The following PTK2 variants were observed in gnomAD, a reference collection of about 807,000 sequenced individuals.
PTK2 encodes the protein focal adhesion kinase 1.
PTK2 carries 45 observed loss-of-function variants against 150.1 expected under a neutral mutation model. That is an observed-to-expected ratio of 0.30 (90% CI 0.24 to 0.38). The LOEUF (loss-of-function observed/expected upper bound fraction) is 0.38. Ranked by LOEUF, PTK2 falls within the 10% of genes least tolerant of loss-of-function variation. The pLI is 1.00. For missense variants in PTK2, 919 were observed against 1,307.3 expected (o/e 0.70, Z 4.58); for synonymous variants, 432 against 449.2 (o/e 0.96, Z 0.48).
chr8:140,680,723 T>C (rs1466889254), intron 27 of PTK2, among the ~76,000 whole-genome samples: 2 of 152,350 alleles, frequency 1.3e-5, no homozygotes, highest in East Asian at 1.9e-4. Context: ...TTTTATGCAT[T>C]TGTCTCTTCA....
At chr8:140,848,818 TG>T (rs753386193) in intron 5 of PTK2, among the ~76,000 whole-genome samples, 5 of 152,184 alleles carry the variant, frequency 3.3e-5, no homozygotes, top group Non-Finnish European at 7.3e-5. Flanking sequence ...ACCGTTACTC[TG>T]ATGGAAACAT....
At chr8:140,734,507 G>T (rs1395752911) in intron 22 of PTK2, among the ~76,000 whole-genome samples, 1 of 152,146 alleles carries the variant, frequency 6.6e-6, no homozygotes, top group African/African-American at 2.4e-5. Context: ...CTGGGGACAT[G>T]CACAAGCGAA....
chr8:140,672,197 C>G (rs982471797), intron 29 of PTK2: 1 of 447,740 alleles, frequency 2.2e-6, no homozygotes, highest in South Asian at 1.6e-5. Flanking sequence ...ATTCTGTCCC[C>G]TTTTCTTTTT....
rs546516047 is a variant in PTK2 at position 140,945,597 on chromosome 8, A to C, written c.-121-19848T>G. Among the ~76,000 whole-genome samples the C allele has an allele frequency of 3.0e-3, 449 of 152,008 alleles. 3 individuals are homozygous for C. Among genetic ancestry groups the C allele is most frequent in the Non-Finnish European group, 3.1e-3 (213 of 67,952 alleles). ...AAAATGAGACCTTTATTTCTCAAAA[A>C]AAAACAAAACAAAAAATATATCAAT... On this transcript the variant is annotated intron_variant, in intron 1 of 31. Transcript: ENST00000522684.
intron 14 of PTK2, among the ~76,000 whole-genome samples, chr8:140,767,267 T>C (rs2154554391): frequency 6.6e-6 from 1 of 152,136 alleles, no homozygotes; most frequent in African/African-American, 2.4e-5. Context: ...TTTCTTTTTT[T>C]TTTTTAGCTG....
At chr8:140,851,024 C>T (rs2100128960) in intron 5 of PTK2, among the ~76,000 whole-genome samples, 1 of 152,110 alleles carries the variant, frequency 6.6e-6, no homozygotes, top group African/African-American at 2.4e-5. Flanking sequence ...ACTCAAATGA[C>T]CTTGGTAGCA....
chr8:140,681,948 A>G (rs574031045), intron 27 of PTK2, among the ~76,000 whole-genome samples: 1 of 152,364 alleles, frequency 6.6e-6, no homozygotes, highest in South Asian at 2.1e-4. Context: ...TAACTCTCAC[A>G]AGCTTAGCGT....
chr8:140,949,385 G>T (rs2100178740), intron 1 of PTK2, among the ~76,000 whole-genome samples: 1 of 152,204 alleles, frequency 6.6e-6, no homozygotes, highest in African/African-American at 2.4e-5. Context: ...CCCCTACTGA[G>T]TTGGCGGGGC....
At chr8:140,952,916 T>C (rs2100179984) in intron 1 of PTK2, among the ~76,000 whole-genome samples, 1 of 152,184 alleles carries the variant, frequency 6.6e-6, no homozygotes, top group South Asian at 2.1e-4. Context: ...TTCTGCTAAT[T>C]AAAATGAGAA....
chr8:140,725,459 T>C lies in PTK2; in HGVS notation c.2031-7750A>G, dbSNP rs533096545. ...AGCCAGATTCTGGAGGGAGCTGTCA[T>C]GAGAAGGAAGAGAACGGCACTGGGT... On this transcript the variant is annotated intron_variant, in intron 22 of 31. Coordinates refer to ENST00000522684, the Ensembl canonical transcript of PTK2. Among the ~76,000 whole-genome samples, 3 of 152,268 alleles carry C rather than the reference T, an allele frequency of 2.0e-5. No homozygotes were observed. In the South Asian group the frequency reaches 6.2e-4, roughly 32 times the overall value.
At chr8:140,931,070 CAAAAAAAAAAAAA>C (rs34438579) in intron 1 of PTK2, among the ~76,000 whole-genome samples, 1 of 111,726 alleles carries the variant, frequency 9.0e-6, no homozygotes, top group Non-Finnish European at 1.8e-5. Flanking sequence ...GACTCTGTCT[CAAAAAAAAAAAAA>C]AAAAGAAAAA....
At chr8:140,745,339 G>C (rs553996030) in intron 18 of PTK2, among the ~76,000 whole-genome samples, 3 of 152,160 alleles carry the variant, frequency 2.0e-5, no homozygotes, top group African/African-American at 7.2e-5. Flanking sequence ...ACCATTAATA[G>C]AGGTAAATGC....
In PTK2 at chr8:140,925,657, A is replaced by C. The variant is rs1603263660; in HGVS notation, c.-33+4T>G. 1 of 985,310 alleles carries C rather than the reference A, an allele frequency of 1.0e-6. No individual in the cohort carries two copies. Among genetic ancestry groups the C allele is most frequent in the East Asian group, 1.1e-4 (1 of 8,820 alleles). The allele number at this position is 985,310 out of a possible 1,614,324, so 61.0% of individuals were successfully genotyped here. On this transcript the variant is annotated splice_donor_region_variant and intron_variant, in intron 2 of 31. Coordinates refer to ENST00000522684, the Ensembl canonical transcript of PTK2. ...TTTGCAAAGTTTCTTAACCATTACT[A>C]TACCTCCCTTCCGTTATTCTTGAGG...
intron 15 of PTK2, 92 bp downstream of exon 17, chr8:140,764,142 T>C (rs374887280): frequency 3.2e-5 from 32 of 1,013,368 alleles, no homozygotes; most frequent in Non-Finnish European, 4.7e-5. Flanking sequence ...GTATTAAAAA[T>C]GGCTCTAAAA....
At chr8:140,815,573 T>A (rs10104218) in intron 10 of PTK2, among the ~76,000 whole-genome samples, 3,404 of 151,646 alleles carry the variant, frequency 0.022, 134 homozygotes, top group African/African-American at 0.079. Flanking sequence ...AAAGTTTTTT[T>A]AAAAAAAAAT....
intron 31 of PTK2, among the ~76,000 whole-genome samples, chr8:140,660,146 TA>T (rs2077375548): frequency 6.6e-6 from 1 of 152,220 alleles, no homozygotes; most frequent in South Asian, 2.1e-4. Context: ...ACACCATGAC[TA>T]ACTTCGTCTC....
At chr8:140,917,570 A>C (rs1261884639) in intron 2 of PTK2, among the ~76,000 whole-genome samples, 3 of 152,198 alleles carry the variant, frequency 2.0e-5, no homozygotes, top group Non-Finnish European at 4.4e-5. Flanking sequence ...TGGAAGATTT[A>C]TTTCTGACAG....
At chr8:140,684,245 A>T (rs1589973559) in intron 27 of PTK2, among the ~76,000 whole-genome samples, 1 of 152,324 alleles carries the variant, frequency 6.6e-6, no homozygotes, top group South Asian at 2.1e-4. Flanking sequence ...TTTTGGGATG[A>T]AACTGTCCCA....
intron 12 of PTK2, among the ~76,000 whole-genome samples, chr8:140,796,011 T>C (rs550784694): frequency 1.2e-4 from 18 of 152,336 alleles, no homozygotes; most frequent in African/African-American, 1.4e-4. Flanking sequence ...CACAGAGCAT[T>C]TGCCACATAT....
Sources: allele counts gnomAD v4.1 joint callset (sites outside exome capture counted in the v4.1 genomes callset), GRCh38; gene constraint gnomAD v4.1.1; transcripts MANE v1.5; gene names NCBI Gene and HGNC (gene_info 2026-07-23, HGNC 2026-07-21).